Variants in NRXN1 observed in about 807,000 individuals in gnomAD.
NRXN1 encodes neurexin 1, also known as neurexin-1.
Under a neutral mutation model 150.9 loss-of-function variants are expected in NRXN1, and 39 were observed. The ratio of observed to expected loss-of-function variants is 0.26; its 90% CI spans 0.20 to 0.34. NRXN1 has a LOEUF of 0.34. Among genes scored for constraint, NRXN1 ranks in the 10% least tolerant of loss-of-function variants. NRXN1 has a pLI of 1.00. For missense variants in NRXN1, 1,815 were observed against 1,949.9 expected (o/e 0.93, Z 1.30); for synonymous variants, 924 against 757.0 (o/e 1.22, Z -3.62).
chr2:50,430,903 T>C (rs1558719419), intron 17 of NRXN1, among the ~76,000 whole-genome samples: 1 of 152,176 alleles, frequency 6.6e-6, no homozygotes, highest in Non-Finnish European at 1.5e-5. Flanking sequence ...ATTTTTGTCC[T>C]ACTCTTCACC....
At chr2:50,501,105 G>C (rs1024527408) in intron 13 of NRXN1, among the ~76,000 whole-genome samples, 2 of 152,172 alleles carry the variant, frequency 1.3e-5, no homozygotes, top group African/African-American at 4.8e-5. Flanking sequence ...GAAGATGCCA[G>C]GTTTGATATT....
intron 21 of NRXN1, among the ~76,000 whole-genome samples, chr2:49,953,358 C>T (rs1674320975): frequency 6.6e-6 from 1 of 152,056 alleles, no homozygotes; most frequent in Non-Finnish European, 1.5e-5. Flanking sequence ...CATTATCTGG[C>T]TCAGATGTCA....
intron 17 of NRXN1, among the ~76,000 whole-genome samples, chr2:50,298,834 T>G (rs1267996519): frequency 6.6e-6 from 1 of 152,180 alleles, no homozygotes; most frequent in Non-Finnish European, 1.5e-5. Context: ...TTAAAACAGA[T>G]TTTTATGATT....
chr2:50,957,617 T>C (rs888356192), intron 2 of NRXN1, among the ~76,000 whole-genome samples: 5 of 152,200 alleles, frequency 3.3e-5, no homozygotes, highest in African/African-American at 1.2e-4. Flanking sequence ...TCTGCGGCTT[T>C]ATCATATGTA....
chr2:50,298,460 A>T (rs1317192432), intron 17 of NRXN1, among the ~76,000 whole-genome samples: 5 of 152,254 alleles, frequency 3.3e-5, no homozygotes, highest in Admixed American at 3.3e-4. Context: ...CCTAAAAATT[A>T]TGTGAAAATT....
intron 16 of NRXN1, among the ~76,000 whole-genome samples, chr2:50,469,516 A>G (rs1167871454): frequency 6.6e-6 from 1 of 151,548 alleles, no homozygotes; most frequent in African/African-American, 2.4e-5. Flanking sequence ...AAGTGATTCC[A>G]GTGTGGTTTG....
intron 21 of NRXN1, among the ~76,000 whole-genome samples, chr2:50,003,375 A>AT (rs1243921799): frequency 6.6e-6 from 1 of 152,138 alleles, no homozygotes; most frequent in East Asian, 1.9e-4. Flanking sequence ...CCAAACACAA[A>AT]TTTTTGCTAC....
intron 21 of NRXN1, among the ~76,000 whole-genome samples, chr2:50,048,237 T>C (rs1223651806): frequency 6.6e-6 from 1 of 152,120 alleles, no homozygotes; most frequent in East Asian, 1.9e-4. Flanking sequence ...CACATCAAAG[T>C]GTTTTTCTTT....
intron 17 of NRXN1, among the ~76,000 whole-genome samples, chr2:50,339,629 AATC>A (rs2077421221): frequency 6.6e-6 from 1 of 152,178 alleles, no homozygotes; most frequent in Non-Finnish European, 1.5e-5. Flanking sequence ...TCTGTACAGG[AATC>A]ATCATCTTCT....
intron 18 of NRXN1, among the ~76,000 whole-genome samples, chr2:50,109,815 T>G (rs934288341): frequency 6.6e-6 from 1 of 152,132 alleles, no homozygotes; most frequent in African/African-American, 2.4e-5. Context: ...TCTTTCACGT[T>G]TATTTGTAGA....
chr2:50,712,193 A>G (rs1695256780), intron 5 of NRXN1, among the ~76,000 whole-genome samples: 1 of 152,166 alleles, frequency 6.6e-6, no homozygotes, highest in South Asian at 2.1e-4. Flanking sequence ...ACAGATTCAG[A>G]GAGTTTAATA....
chr2:50,842,958 A>G (rs937159921), intron 5 of NRXN1, among the ~76,000 whole-genome samples: 6 of 152,192 alleles, frequency 3.9e-5, no homozygotes, highest in Admixed American at 6.5e-5. Flanking sequence ...TTTTATGCTT[A>G]TTCCTATCCC....
chr2:50,181,353 TCTC>T (rs994823878), intron 18 of NRXN1, among the ~76,000 whole-genome samples: 1 of 152,106 alleles, frequency 6.6e-6, no homozygotes, highest in Non-Finnish European at 1.5e-5. Context: ...TTTGTCCCCT[TCTC>T]CTTGCTGTTG....
At chr2:50,179,593 C>T (rs1017021526) in intron 18 of NRXN1, among the ~76,000 whole-genome samples, 2 of 152,108 alleles carry the variant, frequency 1.3e-5, no homozygotes, top group East Asian at 1.9e-4. Flanking sequence ...ATCAGGAGAA[C>T]AGGAGCTTTT....
intron 19 of NRXN1, among the ~76,000 whole-genome samples, chr2:50,087,040 G>T (rs896986020): frequency 2.6e-5 from 4 of 151,992 alleles, no homozygotes; most frequent in Admixed American, 6.6e-5. Flanking sequence ...CTTCCTAAAT[G>T]AATGCATGCT....
intron 21 of NRXN1, among the ~76,000 whole-genome samples, chr2:50,043,974 A>C (rs1691418279): frequency 1.3e-5 from 2 of 152,192 alleles, no homozygotes; most frequent in Admixed American, 6.5e-5. Flanking sequence ...AGAATGAAAA[A>C]AAAGGGAGAA....
chr2:50,024,776 G>A (rs1249221077), intron 21 of NRXN1, among the ~76,000 whole-genome samples: 1 of 151,992 alleles, frequency 6.6e-6, no homozygotes, highest in African/African-American at 2.4e-5. Context: ...CACCACTCTT[G>A]ACTACTTCTT....
At chr2:50,419,045 A>G (rs944978662) in intron 17 of NRXN1, among the ~76,000 whole-genome samples, 1 of 152,056 alleles carries the variant, frequency 6.6e-6, no homozygotes, top group South Asian at 2.1e-4. Flanking sequence ...AAAATACACA[A>G]TTGAGGAAGG....
At chr2:49,984,668 A>T (rs1254227767) in intron 21 of NRXN1, among the ~76,000 whole-genome samples, 1 of 151,496 alleles carries the variant, frequency 6.6e-6, no homozygotes, top group Non-Finnish European at 1.5e-5. Flanking sequence ...ACTAGGTACA[A>T]AGAATTGTGG....
Sources: gnomAD v4.1 joint callset for allele counts (sites outside exome capture counted in the v4.1 genomes callset) on GRCh38, gnomAD v4.1.1 for gene constraint, MANE v1.5 for transcripts, NCBI Gene and HGNC (gene_info 2026-07-23, HGNC 2026-07-21) for gene names.